The following CRB1 variants were observed in gnomAD, a reference collection of about 807,000 sequenced individuals.
CRB1 encodes crumbs cell polarity complex component 1.
Under a neutral mutation model 120.0 loss-of-function variants are expected in CRB1, and 83 were observed. The ratio of observed to expected loss-of-function variants is 0.69; its 90% CI spans 0.58 to 0.83. The LOEUF (loss-of-function observed/expected upper bound fraction) is 0.83, where lower values mean the gene tolerates loss of function less well. CRB1 is among the 40% of genes least tolerant of loss of function. The probability of loss-of-function intolerance (pLI) is 0.00; values close to 1 mark genes in which losing one functional copy is unlikely to be tolerated. For missense variants in CRB1, 1,699 were observed against 1,687.6 expected, an observed-to-expected ratio of 1.01 and a Z score of -0.12; for synonymous variants, 625 against 612.5, an observed-to-expected ratio of 1.02 and a Z score of -0.30.
chr1:197,213,766 C>CA, the CRB1 span, among the ~76,000 whole-genome samples: 12 of 152,154 alleles, frequency 7.9e-5, no homozygotes, highest in African/African-American at 2.9e-4. Flanking sequence ...GATTAAGCAA[C>CA]ACACTCCTGA....
chr1:197,349,689 A>G (rs1209381727), intron 4 of CRB1, among the ~76,000 whole-genome samples: 2 of 152,252 alleles, frequency 1.3e-5, no homozygotes, highest in Non-Finnish European at 2.9e-5. Context: ...AAAATAAATG[A>G]AAATATAAAA....
chr1:197,442,350 C>A (rs774281760), intron 11 of CRB1, 58 bp downstream of exon 11: 2 of 1,612,724 alleles, frequency 1.2e-6, no homozygotes, highest in East Asian at 2.2e-5. Context: ...TTTTCAGCTT[C>A]TTTCTTACCT....
chr1:197,222,181 C>G, the CRB1 span: 1 of 426,556 alleles, frequency 2.3e-6, no homozygotes, highest in Admixed American at 3.4e-5. Context: ...TCCTGCCGGC[C>G]CGCTCCTTGT....
At chr1:197,355,794 G>C (rs1301015131) in intron 4 of CRB1, among the ~76,000 whole-genome samples, 1 of 152,100 alleles carries the variant, frequency 6.6e-6, no homozygotes, top group East Asian at 1.9e-4. Context: ...CTCCCCGCAG[G>C]CTGAGGGAGC....
chr1:197,459,369 G>A lies in CRB1; in HGVS notation c.4005+17077G>A, dbSNP rs1666423414. Among the ~76,000 whole-genome samples, 3 of 152,082 alleles carry A rather than the reference G, an allele frequency of 2.0e-5. No homozygotes were observed. In the South Asian group the frequency reaches 6.2e-4, roughly 32 times the overall value. On this transcript the variant is annotated intron_variant, in intron 11 of 11. Coordinates refer to ENST00000367400, the MANE Select transcript of CRB1 (RefSeq NM_201253.3). ...TCTGTTTGGACTGCTGTAACAAAAT[G>A]CCATTGACTGGGTAACTTTTAAACA...
intron 2 of CRB1, 31 bp downstream of exon 2, chr1:197,329,034 G>A (rs1361965264): frequency 6.4e-7 from 1 of 1,561,044 alleles, no homozygotes; most frequent in Non-Finnish European, 8.8e-7. Context: ...ATCACAGATG[G>A]TGTAGTTAGC....
At chr1:197,471,674 C>G (rs931845142) in intron 11 of CRB1, among the ~76,000 whole-genome samples, 1 of 152,184 alleles carries the variant, frequency 6.6e-6, no homozygotes, top group Non-Finnish European at 1.5e-5. Flanking sequence ...TTTTTAATAC[C>G]TTATTTTCCC....
chr1:197,450,021 G>A lies in CRB1; in HGVS notation c.4005+7729G>A, dbSNP rs371390731. Among the ~76,000 whole-genome samples the A allele has an allele frequency of 3.4e-4, 52 of 152,222 alleles. 1 individual carries two copies. In the South Asian group the frequency reaches 0.011, roughly 32 times the overall value. ...ACTGGCATGGTGCTGAGCAGAGACT[G>A]CACTCCAAAAAAATAAAAATCACAT... On this transcript the variant is annotated intron_variant, in intron 11 of 11. Coordinates refer to ENST00000367400, the MANE Select transcript of CRB1 (RefSeq NM_201253.3).
At position 197,470,248 on chromosome 1, in the gene CRB1, G is replaced by C. The variant is rs543404237; in HGVS notation, c.4006-7416G>C. Among the ~76,000 whole-genome samples the C allele has an allele frequency of 2.0e-5, 3 of 152,256 alleles. No homozygotes were observed. The East Asian group carries it at 5.8e-4, about 29-fold the overall frequency. On this transcript the variant is annotated intron_variant, in intron 11 of 11. Transcript: ENST00000367400. ...GCACCTGAATGGGGCTTCCATTACA[G>C]CAGGATACACACAAAAACTCTATAG... is the stretch of plus-strand genomic sequence containing the variant.
intron 11 of CRB1, among the ~76,000 whole-genome samples, chr1:197,445,512 T>C (rs534390033): frequency 1.3e-5 from 2 of 152,366 alleles, no homozygotes; most frequent in African/African-American, 4.8e-5. Context: ...TTTTCAATTA[T>C]CTTTTTTCAA....
chr1:197,355,382 G>A (rs767067363), intron 4 of CRB1, among the ~76,000 whole-genome samples: 8 of 152,234 alleles, frequency 5.3e-5, no homozygotes, highest in East Asian at 3.9e-4. Flanking sequence ...CGCCAGTCCC[G>A]CGCAGTGCGC....
At chr1:197,268,961 G>A (rs1654756649) in intron 1 of CRB1, among the ~76,000 whole-genome samples, 1 of 152,120 alleles carries the variant, frequency 6.6e-6, no homozygotes, top group South Asian at 2.1e-4. Context: ...GTTTCCCAGA[G>A]GATAATGGTT....
intron 1 of CRB1, among the ~76,000 whole-genome samples, chr1:197,320,650 G>A (rs1180858033): frequency 1.3e-5 from 2 of 152,274 alleles, no homozygotes; most frequent in East Asian, 1.9e-4. Flanking sequence ...TAGTTAAACA[G>A]AGGAAGATGG....
intron 5 of CRB1, among the ~76,000 whole-genome samples, chr1:197,369,496 T>C (rs1318890941): frequency 2.0e-5 from 3 of 152,112 alleles, no homozygotes; most frequent in African/African-American, 7.2e-5. Context: ...TACATATCCC[T>C]TTCTCAAAAG....
At chr1:197,360,984 G>C (rs923969472) in intron 5 of CRB1, among the ~76,000 whole-genome samples, 1 of 152,198 alleles carries the variant, frequency 6.6e-6, no homozygotes, top group East Asian at 1.9e-4. Flanking sequence ...TATTGCATTT[G>C]GTCAGATGCA....
chr1:197,422,021 A>G, intron 6 of CRB1, 65 bp downstream of exon 6: 1 of 1,475,186 alleles, frequency 6.8e-7, no homozygotes, highest in Non-Finnish European at 9.4e-7. Context: ...AAACAGCAAA[A>G]ACAGCCAGAC....
chr1:197,441,671 T>TTG (rs1435271313), intron 10 of CRB1: 2 of 145,524 alleles, frequency 1.4e-5, no homozygotes, highest in African/African-American at 5.1e-5. Flanking sequence ...TTTTTTTTTT[T>TTG]TTTTTTTTTT....
intron 1 of CRB1, among the ~76,000 whole-genome samples, chr1:197,306,111 A>G (rs974980333): frequency 3.3e-5 from 5 of 152,148 alleles, no homozygotes; most frequent in Non-Finnish European, 7.3e-5. Context: ...GGAATAGGTC[A>G]GATCCAGGAA....
the CRB1 span, among the ~76,000 whole-genome samples, chr1:197,210,337 C>G: frequency 6.6e-6 from 1 of 152,084 alleles, no homozygotes; most frequent in South Asian, 2.1e-4. Flanking sequence ...AAATTACCCT[C>G]CATAATGTGG....
Sources: gnomAD v4.1 joint callset for allele counts (sites outside exome capture counted in the v4.1 genomes callset) on GRCh38, gnomAD v4.1.1 for gene constraint, MANE v1.5 for transcripts, NCBI Gene and HGNC (gene_info 2026-07-23, HGNC 2026-07-21) for gene names.